FBXL7: variants seen among roughly 807,000 people sequenced by gnomAD.
FBXL7 encodes F-box/LRR-repeat protein 7.
A neutral mutation model predicts 38.3 loss-of-function variants in FBXL7; 12 were observed. The observed-to-expected ratio is 0.31, with a 90% CI of 0.20 to 0.51. The LOEUF (loss-of-function observed/expected upper bound fraction) is 0.51, where lower values mean the gene tolerates loss of function less well. Ranked by LOEUF, FBXL7 falls within the 20% of genes least tolerant of loss-of-function variation. The pLI is 0.98. For synonymous variants in FBXL7, 297 were observed against 300.9 expected (o/e 0.99, Z 0.13); for missense variants, 567 against 676.4 (o/e 0.84, Z 1.79).
intron 1 of FBXL7, among the ~76,000 whole-genome samples, chr5:15,600,957 A>C (rs928759700): frequency 2.6e-5 from 4 of 152,202 alleles, no homozygotes; most frequent in African/African-American, 9.7e-5. Context: ...TTTTCACTAC[A>C]TTCTCTGTTG....
intron 2 of FBXL7, among the ~76,000 whole-genome samples, chr5:15,692,626 A>C (rs770630000): frequency 6.6e-6 from 1 of 152,210 alleles, no homozygotes; most frequent in South Asian, 2.1e-4. Context: ...TGGGGACTTC[A>C]TCCAGGCCTG....
rs749091321 is a variant in FBXL7 at position 15,927,904 on chromosome 5, A to G, written c.142A>G (p.Met48Val). ...VATSEDSDLSMRTLSTPSPAL... is the reference protein window; with the variant it reads ...VATSEDSDLSVRTLSTPSPAL... ...TCCTTTGCCAGACTCCGACCTGAGCATGCGCACACTGAGCACGCCCAGCCC... is the reference window on the plus strand; with the variant it reads ...TCCTTTGCCAGACTCCGACCTGAGCGTGCGCACACTGAGCACGCCCAGCCC... The change falls in exon 3 of 4, where the codon ATG becomes GTG. Residue 48 changes from methionine (M) to valine (V), a missense_variant. Coordinates refer to ENST00000504595, the MANE Select transcript of FBXL7 (RefSeq NM_012304.5). 1.3e-6 allele frequency: 2 copies of G among 1,526,046 alleles called. No individual in the cohort carries two copies. Among genetic ancestry groups the G allele is most frequent in the East Asian group, 2.3e-5 (1 of 44,076 alleles). The allele number at this position is 1,526,046 out of a possible 1,614,324, so 94.5% of individuals were successfully genotyped here.
intron 1 of FBXL7, among the ~76,000 whole-genome samples, chr5:15,529,677 C>T (rs1379044579): frequency 1.3e-5 from 2 of 152,170 alleles, no homozygotes; most frequent in African/African-American, 2.4e-5. Context: ...TGTGAGCCAC[C>T]GTGCCCGGCC....
intron 2 of FBXL7, among the ~76,000 whole-genome samples, chr5:15,869,807 G>A (rs1739875189): frequency 6.6e-6 from 1 of 151,974 alleles, no homozygotes; most frequent in Non-Finnish European, 1.5e-5. Flanking sequence ...CTGTTTTGGG[G>A]AATCATCAAA....
intron 1 of FBXL7, among the ~76,000 whole-genome samples, chr5:15,598,676 A>G (rs1739701481): frequency 6.6e-6 from 1 of 152,172 alleles, no homozygotes; most frequent in Non-Finnish European, 1.5e-5. Context: ...TATGGCGTCC[A>G]ACAAGGCCTA....
intron 2 of FBXL7, among the ~76,000 whole-genome samples, chr5:15,837,398 C>T (rs960848334): frequency 3.7e-4 from 57 of 152,164 alleles, no homozygotes; most frequent in Admixed American, 2.4e-3. Flanking sequence ...ACAGTTTTTC[C>T]CATATGTAGC....
intron 2 of FBXL7, among the ~76,000 whole-genome samples, chr5:15,850,949 A>C (rs1038772622): frequency 6.6e-6 from 1 of 152,210 alleles, no homozygotes; most frequent in Non-Finnish European, 1.5e-5. Flanking sequence ...GGCTGTCGCC[A>C]GCATGTAAGA....
chr5:15,831,020 G>A (rs755728321), intron 2 of FBXL7, among the ~76,000 whole-genome samples: 3 of 152,142 alleles, frequency 2.0e-5, no homozygotes, highest in Non-Finnish European at 2.9e-5. Flanking sequence ...TGAATCTGAG[G>A]ACAAAATGTG....
chr5:15,921,815 G>A (rs1433987764), intron 2 of FBXL7, among the ~76,000 whole-genome samples: 2 of 152,164 alleles, frequency 1.3e-5, no homozygotes, highest in Non-Finnish European at 2.9e-5. Context: ...CACGTGTTAG[G>A]AGATCTGTTA....
At chr5:15,820,806 C>T (rs1192728935) in intron 2 of FBXL7, among the ~76,000 whole-genome samples, 1 of 152,118 alleles carries the variant, frequency 6.6e-6, no homozygotes, top group Non-Finnish European at 1.5e-5. Flanking sequence ...ATGTTCTCCT[C>T]CCTGTGCAAT....
chr5:15,577,390 T>C (rs1739001188), intron 1 of FBXL7, among the ~76,000 whole-genome samples: 1 of 152,158 alleles, frequency 6.6e-6, no homozygotes, highest in Non-Finnish European at 1.5e-5. Context: ...CACTGTCTTA[T>C]CAGAGAAGTC....
chr5:15,751,580 A>G lies in FBXL7; in HGVS notation c.127+135508A>G, dbSNP rs1736156433. ...ATAAGAATAGTGAATATTAGAGACC[A>G]TACAACTTACACACAAATAGAAGGG... is the stretch of plus-strand genomic sequence containing the variant. On this transcript the variant is annotated intron_variant, in intron 2 of 3. Coordinates refer to ENST00000504595, the MANE Select transcript of FBXL7 (RefSeq NM_012304.5). Among the ~76,000 whole-genome samples the G allele has an allele frequency of 2.0e-5, 3 of 152,226 alleles. No homozygotes were observed. The South Asian group carries it at 6.2e-4, about 31-fold the overall frequency.
intron 2 of FBXL7, among the ~76,000 whole-genome samples, chr5:15,706,937 C>A (rs1316035989): frequency 6.6e-6 from 1 of 151,920 alleles, no homozygotes; most frequent in Non-Finnish European, 1.5e-5. Context: ...AAAAGTACAT[C>A]TCAGAGAAAA....
intron 2 of FBXL7, among the ~76,000 whole-genome samples, chr5:15,679,566 T>G (rs1579372327): frequency 1.3e-5 from 2 of 151,872 alleles, no homozygotes; most frequent in African/African-American, 2.4e-5. Flanking sequence ...TTGTTTTTTT[T>G]TTTTTTTTTT....
At chr5:15,918,672 GATA>G (rs1741663007) in intron 2 of FBXL7, among the ~76,000 whole-genome samples, 2 of 152,218 alleles carry the variant, frequency 1.3e-5, no homozygotes, top group African/African-American at 4.8e-5. Context: ...CTCTGTGACT[GATA>G]TTACATGAGT....
intron 2 of FBXL7, among the ~76,000 whole-genome samples, chr5:15,723,951 T>G (rs1405079233): frequency 6.6e-6 from 1 of 152,206 alleles, no homozygotes; most frequent in East Asian, 1.9e-4. Flanking sequence ...AGCTTTAAAC[T>G]TCAGCTTCAT....
intron 1 of FBXL7, among the ~76,000 whole-genome samples, chr5:15,604,653 C>T (rs1739945370): frequency 6.6e-6 from 1 of 152,226 alleles, no homozygotes; most frequent in East Asian, 1.9e-4. Context: ...CCACGCCCAA[C>T]AGATGACTTC....
At chr5:15,625,965 G>A (rs78067785) in intron 2 of FBXL7, among the ~76,000 whole-genome samples, 4,427 of 152,266 alleles carry the variant, frequency 0.029, 105 homozygotes, top group East Asian at 0.053. Flanking sequence ...CAACTATTGC[G>A]TGGGGGGCCT....
intron 2 of FBXL7, among the ~76,000 whole-genome samples, chr5:15,720,807 TATA>T (rs1744172179): frequency 1.4e-5 from 1 of 72,320 alleles, no homozygotes; most frequent in African/African-American, 4.0e-5. Context: ...ATTATTAGAG[TATA>T]ATATTATTAT....
Sources: gnomAD v4.1 joint callset for allele counts (sites outside exome capture counted in the v4.1 genomes callset) on GRCh38, gnomAD v4.1.1 for gene constraint, MANE v1.5 for transcripts, NCBI Gene and HGNC (gene_info 2026-07-23, HGNC 2026-07-21) for gene names.